ADGRG6: variants seen among roughly 807,000 people sequenced by gnomAD.
ADGRG6 encodes the protein adhesion G protein-coupled receptor G6.
Under a neutral mutation model 142.4 loss-of-function variants are expected in ADGRG6, and 84 were observed. That is an observed-to-expected ratio of 0.59 (90% CI 0.49 to 0.71). The LOEUF (loss-of-function observed/expected upper bound fraction) is 0.71, where lower values mean the gene tolerates loss of function less well. Ranked by LOEUF, ADGRG6 falls within the 30% of genes least tolerant of loss-of-function variation. ADGRG6 has a pLI of 0.00. For synonymous variants in ADGRG6, 521 were observed against 520.5 expected (o/e 1.00, Z -0.01); for missense variants, 1,367 against 1,466.6 (o/e 0.93, Z 1.11).
At chr6:142,331,803 C>T (rs1779078066) in intron 2 of ADGRG6, among the ~76,000 whole-genome samples, 1 of 152,090 alleles carries the variant, frequency 6.6e-6, no homozygotes, top group African/African-American at 2.4e-5. Context: ...CCCCCTCACT[C>T]CCCTCATTAA....
At chr6:142,348,438 A>G (rs1780008423) in intron 2 of ADGRG6, among the ~76,000 whole-genome samples, 1 of 152,094 alleles carries the variant, frequency 6.6e-6, no homozygotes, top group Non-Finnish European at 1.5e-5. Context: ...AAAAAAAGGA[A>G]AACAAAAATT....
chr6:142,402,937 T>G, intron 13 of ADGRG6, 107 bp downstream of exon 13: 1 of 606,984 alleles, frequency 1.6e-6, no homozygotes, highest in Non-Finnish European at 2.8e-6. Context: ...TTCAAATCTC[T>G]GCAAGATGTA....
chr6:142,437,133 A>G (rs188021593), intron 22 of ADGRG6, among the ~76,000 whole-genome samples: 4 of 152,328 alleles, frequency 2.6e-5, no homozygotes, highest in African/African-American at 9.6e-5. Context: ...AAATACTTCT[A>G]GAATTGAATG....
chr6:142,407,379 A>T (rs1775862457), intron 15 of ADGRG6, among the ~76,000 whole-genome samples: 1 of 152,138 alleles, frequency 6.6e-6, no homozygotes, highest in African/African-American at 2.4e-5. Flanking sequence ...AAAATTAACA[A>T]AAAGCTATAT....
Position 142,416,077 on chromosome 6 carries a change from A to C in ADGRG6, c.2938+13A>C, listed in dbSNP as rs758393462. 2 of 1,583,834 alleles carry C rather than the reference A, an allele frequency of 1.3e-6. No homozygotes were observed. The highest frequency in any genetic ancestry group is 4.5e-5 in the East Asian group (2 of 44,432). On this transcript the variant is annotated intron_variant, in intron 20 of 24. Transcript: ENST00000367609. ...ATCATTGGCTGGGGTAAGCCTCTTA[A>C]AATTTTTTTGGTTTTGTTTTTCCCT...
At chr6:142,338,013 C>T (rs1363067805) in intron 2 of ADGRG6, among the ~76,000 whole-genome samples, 190 of 25,958 alleles carry the variant, frequency 7.3e-3, no homozygotes, top group African/African-American at 0.025. Context: ...TGCCTTGTAT[C>T]TTTGTTTTTT....
At chr6:142,325,412 A>T (rs753975727) in intron 2 of ADGRG6, among the ~76,000 whole-genome samples, 48 of 152,116 alleles carry the variant, frequency 3.2e-4, no homozygotes, top group Non-Finnish European at 5.9e-4. Context: ...GCTCCACGGT[A>T]TTAACTGGAT....
In ADGRG6 at chr6:142,445,063, A is replaced by T. The variant is rs1777914532; in HGVS notation, c.*1548A>T. ...AGCTTTTAGGCTACACAGCAACCCA[A>T]GGGACCTCTCACCTTTTGCTGAGCT... On this transcript the variant is annotated 3_prime_UTR_variant, in exon 25 of 25. Transcript: ENST00000367609. 1 of 152,182 alleles carries T rather than the reference A, an allele frequency of 6.6e-6. No homozygotes were observed. Among genetic ancestry groups the T allele is most frequent in the Non-Finnish European group, 1.5e-5 (1 of 68,034 alleles). 9.4% of individuals were successfully genotyped at this position (152,182 alleles called of 1,614,324 possible). A position where few individuals can be genotyped will look rare whatever the true frequency, so the allele number is the denominator to read the frequency against.
At chr6:142,429,973 C>A (rs1257777102) in intron 22 of ADGRG6, among the ~76,000 whole-genome samples, 5 of 152,112 alleles carry the variant, frequency 3.3e-5, no homozygotes, top group Non-Finnish European at 5.9e-5. Context: ...ATTGCTTGAG[C>A]CCAGAAGTTC....
chr6:142,321,286 T>TACACACACACACACACACACACAC (rs10632214), intron 2 of ADGRG6, among the ~76,000 whole-genome samples: 3 of 147,884 alleles, frequency 2.0e-5, no homozygotes, highest in African/African-American at 7.4e-5. Context: ...TAAGCATGCA[T>TACACACACACACACACACACACAC]ACACACACAC....
chr6:142,385,198 A>G (rs1352006128), intron 6 of ADGRG6, among the ~76,000 whole-genome samples: 1 of 152,126 alleles, frequency 6.6e-6, no homozygotes, highest in East Asian at 1.9e-4. Context: ...CAATCATGTC[A>G]TTTCTGACAT....
At chr6:142,377,216 C>T (rs1781543521) in intron 4 of ADGRG6, among the ~76,000 whole-genome samples, 1 of 152,142 alleles carries the variant, frequency 6.6e-6, no homozygotes, top group African/African-American at 2.4e-5. Context: ...GTCAGTAGAG[C>T]AGGACTTTAT....
rs114599115 is a variant in ADGRG6 at position 142,323,190 on chromosome 6, C to A, written c.103+13546C>A. On this transcript the variant is annotated intron_variant, in intron 2 of 24. Coordinates refer to ENST00000367609, the MANE Select transcript of ADGRG6 (RefSeq NM_198569.3). ...TTGATTGAAGCAAACTAATAGGACC[C>A]ATAATCATCAGCTGTTAATATTAAG... Among the ~76,000 whole-genome samples the A allele has an allele frequency of 7.6e-3, 1,147 of 151,654 alleles. 11 individuals carry two copies. The highest frequency in any genetic ancestry group is 0.026 in the African/African-American group (1,092 of 41,276).
Position 142,446,115 on chromosome 6 carries a change from G to A in ADGRG6, c.*2600G>A, listed in dbSNP as rs1158617545. On this transcript the variant is annotated 3_prime_UTR_variant, in exon 25 of 25. Coordinates refer to ENST00000367609, the MANE Select transcript of ADGRG6 (RefSeq NM_198569.3). ...TAAATACTTTGTGAAATCATTTTTGGTAGCAATATCTTTGAATATGATGAA... is the reference window on the plus strand; with the variant it reads ...TAAATACTTTGTGAAATCATTTTTGATAGCAATATCTTTGAATATGATGAA... 2 of 152,378 alleles carry A rather than the reference G, an allele frequency of 1.3e-5. No homozygotes were observed. The highest frequency in any genetic ancestry group is 4.8e-5 in the African/African-American group (2 of 41,360). The allele number at this position is 152,378 out of a possible 1,614,324, so 9.4% of individuals were successfully genotyped here. A position where few individuals can be genotyped will look rare whatever the true frequency, so the allele number is the denominator to read the frequency against.
At chr6:142,418,028 C>T (rs1582661230) in intron 21 of ADGRG6, among the ~76,000 whole-genome samples, 1 of 152,080 alleles carries the variant, frequency 6.6e-6, no homozygotes, top group Non-Finnish European at 1.5e-5. Flanking sequence ...GGCGCAGTGG[C>T]TTACACCTAT....
In ADGRG6 at chr6:142,438,333, TA is replaced by T. The variant is rs1462089533; in HGVS notation, c.3544del (p.Thr1182ProfsTer95). 1 of 1,609,400 alleles carries T rather than the reference TA, an allele frequency of 6.2e-7. No individual in the cohort carries two copies. Among genetic ancestry groups the T allele is most frequent in the South Asian group, 1.1e-5 (1 of 90,370 alleles). On this transcript the variant is annotated frameshift_variant, in exon 24 of 25. Coordinates refer to ENST00000367609, the MANE Select transcript of ADGRG6 (RefSeq NM_198569.3). LOFTEE classifies it high-confidence loss of function. ...TTACATCCAAATCTAAATCCAGCTC[TA>T]CCACCTATTTCAAAAGGAATAGCCA... The part of the protein sequence containing the change: ...YLTSKSKSSS[T>X]TYFKRNSHTD...
chr6:142,333,859 C>T (rs925035854), intron 2 of ADGRG6, among the ~76,000 whole-genome samples: 8 of 152,200 alleles, frequency 5.3e-5, no homozygotes, highest in Admixed American at 3.9e-4. Flanking sequence ...ATTTGTCCAT[C>T]ATCACATTAG....
intron 2 of ADGRG6, among the ~76,000 whole-genome samples, chr6:142,351,675 C>G (rs1353378686): frequency 1.3e-5 from 2 of 152,158 alleles, no homozygotes; most frequent in Non-Finnish European, 2.9e-5. Context: ...CCAAAAACAA[C>G]TGTAGTGAAA....
In ADGRG6 at chr6:142,400,268, A is replaced by G. The variant is rs73580457; in HGVS notation, c.1568-217A>G. Among the ~76,000 whole-genome samples the G allele has an allele frequency of 0.015, 2,247 of 152,206 alleles. 48 individuals carry two copies. Among genetic ancestry groups the G allele is most frequent in the African/African-American group, 0.051 (2,117 of 41,532 alleles). On this transcript the variant is annotated intron_variant, in intron 10 of 24. Transcript: ENST00000367609. ...TTTTACTTAAGGTTTTGTCCAATGT[A>G]ATGATTTTTGGATTTGAAGTGTATT...
Sources: allele counts gnomAD v4.1 joint callset (sites outside exome capture counted in the v4.1 genomes callset), GRCh38; gene constraint gnomAD v4.1.1; transcripts MANE v1.5; gene names NCBI Gene and HGNC (gene_info 2026-07-23, HGNC 2026-07-21).